Variants in RBFOX1 observed in about 807,000 individuals in gnomAD.
The protein encoded by RBFOX1 is RNA binding protein fox-1 homolog 1.
In RBFOX1, 8 loss-of-function variants were observed where a neutral mutation model predicts 57.7. The observed-to-expected ratio is 0.14, with a 90% CI of 0.08 to 0.25. RBFOX1 has a LOEUF of 0.25. Among genes scored for constraint, RBFOX1 ranks in the 10% least tolerant of loss-of-function variants. The pLI is 1.00. For missense variants in RBFOX1, 611 were observed against 548.5 expected (o/e 1.11, Z -1.14); for synonymous variants, 326 against 222.4 (o/e 1.47, Z -4.15).
intron 3 of RBFOX1, among the ~76,000 whole-genome samples, chr16:5,755,839 C>T (rs1246544868): frequency 6.6e-6 from 1 of 152,066 alleles, no homozygotes; most frequent in African/African-American, 2.4e-5. Flanking sequence ...CTCAGGTGAT[C>T]CGCCTGCCTC....
At chr16:5,931,953 A>G (rs1218845180) in intron 4 of RBFOX1, among the ~76,000 whole-genome samples, 1 of 150,822 alleles carries the variant, frequency 6.6e-6, no homozygotes, top group Non-Finnish European at 1.5e-5. Flanking sequence ...GACAACAAGC[A>G]TGCACCATCA....
At chr16:7,125,103 A>G (rs2068160761) in intron 4 of RBFOX1, among the ~76,000 whole-genome samples, 1 of 152,194 alleles carries the variant, frequency 6.6e-6, no homozygotes, top group Admixed American at 6.5e-5. Flanking sequence ...AAGAAAAGCC[A>G]AAATGACAAT....
intron 4 of RBFOX1, among the ~76,000 whole-genome samples, chr16:5,951,816 C>T (rs572129260): frequency 1.3e-4 from 20 of 151,774 alleles, no homozygotes; most frequent in African/African-American, 4.6e-4. Flanking sequence ...TTGTTAAAAG[C>T]TTCTGGATTT....
intron 2 of RBFOX1, among the ~76,000 whole-genome samples, chr16:6,528,914 G>A (rs1326211861): frequency 1.3e-5 from 2 of 152,110 alleles, no homozygotes; most frequent in East Asian, 3.9e-4. Flanking sequence ...GGGGCCAGAG[G>A]AATATTTATT....
intron 3 of RBFOX1, among the ~76,000 whole-genome samples, chr16:5,764,428 C>T (rs1317979021): frequency 6.6e-6 from 1 of 152,152 alleles, no homozygotes. Context: ...GCCAATTAAA[C>T]CCCTTTTCTT....
rs58881940 is a variant in RBFOX1, at chr16:7,309,954, G to A, written c.28-208193G>A. 4.9e-3 allele frequency among the ~76,000 whole-genome samples: 753 copies of A among 152,308 alleles called. 4 individuals are homozygous for A. The highest frequency in any genetic ancestry group is 0.017 in the African/African-American group (721 of 41,560). On this transcript the variant is annotated intron_variant, in intron 4 of 15. Coordinates refer to ENST00000550418, the MANE Select transcript of RBFOX1 (RefSeq NM_018723.4). ...AATTCAGTTAAGAAAAGCAAAGAAA[G>A]TTCCATTCATCAATAAAGTTTCCTA...
intron 2 of RBFOX1, among the ~76,000 whole-genome samples, chr16:6,441,428 T>G (rs2094379522): frequency 6.6e-6 from 1 of 152,136 alleles, no homozygotes; most frequent in African/African-American, 2.4e-5. Flanking sequence ...GTTTTTTCTT[T>G]TTTTTGAGAC....
intron 3 of RBFOX1, among the ~76,000 whole-genome samples, chr16:6,756,741 G>T (rs767688366): frequency 8.5e-5 from 13 of 152,132 alleles, no homozygotes; most frequent in Admixed American, 3.3e-4. Context: ...GGAGGCTGAG[G>T]CAGGGGGGTC....
chr16:6,386,085 G>A (rs979468726), intron 2 of RBFOX1, among the ~76,000 whole-genome samples: 32 of 152,074 alleles, frequency 2.1e-4, no homozygotes, highest in African/African-American at 6.7e-4. Flanking sequence ...ACAGGCGCCC[G>A]CCACCGCGCC....
intron 4 of RBFOX1, among the ~76,000 whole-genome samples, chr16:7,434,886 T>C (rs569076150): frequency 9.9e-4 from 150 of 152,170 alleles, no homozygotes; most frequent in Non-Finnish European, 1.8e-3. Flanking sequence ...ATTACAGACA[T>C]GCACCACCAC....
rs141943049 is a variant in RBFOX1 at position 7,045,300 on chromosome 16, T to A, written c.-15-6757T>A. Among the ~76,000 whole-genome samples the A allele has an allele frequency of 7.8e-4, 118 of 152,198 alleles. 2 individuals carry two copies. The East Asian group carries it at 0.02, about 26-fold the overall frequency. On this transcript the variant is annotated intron_variant, in intron 3 of 15. Coordinates refer to ENST00000550418, the MANE Select transcript of RBFOX1 (RefSeq NM_018723.4). ...TGACCCAAAAAAAGAAGCAGGATAT[T>A]GTCACTAGAATATAAGCAAAATAAT...
intron 4 of RBFOX1, among the ~76,000 whole-genome samples, chr16:7,446,425 A>G (rs1234383028): frequency 2.0e-5 from 3 of 152,170 alleles, no homozygotes; most frequent in African/African-American, 7.2e-5. Context: ...CTAGACAATT[A>G]TTTTCAGCAA....
chr16:5,316,495 C>G (rs1235159792), intron 1 of RBFOX1, among the ~76,000 whole-genome samples: 1 of 152,166 alleles, frequency 6.6e-6, no homozygotes, highest in Non-Finnish European at 1.5e-5. Context: ...TGAGAACACC[C>G]CCTCCACAAC....
At chr16:5,902,475 G>C (rs928295118) in intron 4 of RBFOX1, among the ~76,000 whole-genome samples, 1 of 152,084 alleles carries the variant, frequency 6.6e-6, no homozygotes, top group Non-Finnish European at 1.5e-5. Context: ...GCGTAGTGAT[G>C]CCATCTTGGC....
chr16:6,078,198 T>C lies in RBFOX1; in HGVS notation c.-127+58206T>C, dbSNP rs530678030. 2.4e-3 allele frequency among the ~76,000 whole-genome samples: 358 copies of C among 152,288 alleles called. 1 individual carries two copies. The highest frequency in any genetic ancestry group is 3.9e-3 in the Non-Finnish European group (268 of 68,040). ...GAAATGCTTTGTACATAACAAATCATGTGAAAGTAAAGGATTGTCGTCATT... is the reference window on the plus strand; with the variant it reads ...GAAATGCTTTGTACATAACAAATCACGTGAAAGTAAAGGATTGTCGTCATT... On this transcript the variant is annotated intron_variant, in intron 1 of 15. Transcript: ENST00000550418.
chr16:6,317,850 T>G (rs2081298757), intron 2 of RBFOX1, among the ~76,000 whole-genome samples: 1 of 152,184 alleles, frequency 6.6e-6, no homozygotes, highest in Non-Finnish European at 1.5e-5. Flanking sequence ...AATATCAAAA[T>G]TTTAAAAGGC....
intron 4 of RBFOX1, among the ~76,000 whole-genome samples, chr16:5,994,274 G>C (rs575393807): frequency 1.3e-5 from 2 of 152,314 alleles, no homozygotes; most frequent in African/African-American, 2.4e-5. Context: ...CAATTCTCAT[G>C]CTTCAGCCTC....
At chr16:5,344,177 C>T (rs1250389435) in intron 1 of RBFOX1, among the ~76,000 whole-genome samples, 2 of 152,120 alleles carry the variant, frequency 1.3e-5, no homozygotes, top group African/African-American at 2.4e-5. Flanking sequence ...AGTTTTTTCC[C>T]TGAATGCACT....
rs142536864 is a variant in RBFOX1 at position 7,663,865 on chromosome 16, A to C, written c.891-1064A>C. Reference sequence around the variant, plus strand: ...CTCGTTTTCATGCTTAGGAAATACAAATCAGTTTCTCACGACCACGTAGCT... The same window carrying C: ...CTCGTTTTCATGCTTAGGAAATACACATCAGTTTCTCACGACCACGTAGCT... On this transcript the variant is annotated intron_variant, in intron 12 of 15. Coordinates refer to ENST00000550418, the MANE Select transcript of RBFOX1 (RefSeq NM_018723.4). Among the ~76,000 whole-genome samples, 150 of 152,332 alleles carry C rather than the reference A, an allele frequency of 9.8e-4. 1 individual carries two copies. Among genetic ancestry groups the C allele is most frequent in the African/African-American group, 3.4e-3 (141 of 41,576 alleles).
Sources: allele counts gnomAD v4.1 joint callset (sites outside exome capture counted in the v4.1 genomes callset), GRCh38; gene constraint gnomAD v4.1.1; transcripts MANE v1.5; gene names NCBI Gene and HGNC (gene_info 2026-07-23, HGNC 2026-07-21).